MYO16: variants seen among roughly 807,000 people sequenced by gnomAD.
MYO16 encodes myosin XVI.
MYO16 carries 94 observed loss-of-function variants against 205.3 expected under a neutral mutation model. The ratio of observed to expected loss-of-function variants is 0.46; its 90% CI spans 0.39 to 0.54. MYO16 has a LOEUF of 0.54. MYO16 is among the 20% of genes least tolerant of loss of function. MYO16 has a pLI of 0.00. For missense variants in MYO16, 2,315 were observed against 2,387.5 expected (o/e 0.97, Z 0.63); for synonymous variants, 988 against 954.0 (o/e 1.04, Z -0.66).
chr13:108,592,116 G>C (rs377424606), upstream of MYO16, among the ~76,000 whole-genome samples: 1 of 135,196 alleles, frequency 7.4e-6, no homozygotes, highest in Non-Finnish European at 1.6e-5. Context: ...AGGATTTGGG[G>C]TATGTATGGG....
intron 16 of MYO16, among the ~76,000 whole-genome samples, chr13:108,942,468 A>G (rs939722164): frequency 6.6e-6 from 1 of 152,212 alleles, no homozygotes; most frequent in Non-Finnish European, 1.5e-5. Flanking sequence ...GATCAAGTCA[A>G]TTGTTTTTAG....
At chr13:108,932,104 G>A (rs1882282208) in intron 16 of MYO16, among the ~76,000 whole-genome samples, 1 of 152,206 alleles carries the variant, frequency 6.6e-6, no homozygotes, top group African/African-American at 2.4e-5. Context: ...TTTAACTCAT[G>A]CATTGCATTT....
At chr13:109,137,584 A>G (rs1303464663) in intron 31 of MYO16, among the ~76,000 whole-genome samples, 2 of 152,192 alleles carry the variant, frequency 1.3e-5, no homozygotes, top group Non-Finnish European at 2.9e-5. Flanking sequence ...GGTACTTTCT[A>G]TTCTTAAAAG....
At chr13:108,539,581 T>C in the MYO16 span, among the ~76,000 whole-genome samples, 1 of 152,126 alleles carries the variant, frequency 6.6e-6, no homozygotes, top group South Asian at 2.1e-4. Context: ...GGCTAAGAAG[T>C]AATATTACAG....
Position 109,055,930 on chromosome 13 carries a change from ATTAT to A in MYO16, c.3335+338_3335+341del, listed in dbSNP as rs1283542689. 1.1e-5 allele frequency: 2 copies of A among 179,282 alleles called. No homozygotes were observed. Among genetic ancestry groups the A allele is most frequent in the Admixed American group, 1.1e-4 (2 of 17,778 alleles). The allele number at this position is 179,282 out of a possible 1,614,324, so 11.1% of individuals were successfully genotyped here. Reference sequence around the variant, plus strand: ...TTTAAAAGGAGAATGTATGTAAGTGATTATTTCCCCTTTTATATATGAACAAAAT... The same window carrying A: ...TTTAAAAGGAGAATGTATGTAAGTGATTCCCCTTTTATATATGAACAAAAT... On this transcript the variant is annotated intron_variant, in intron 27 of 34. Transcript: ENST00000457511. This position sits in a 1 kb window ranked among gnomAD's most constrained non-coding sequence, Gnocchi z 5.0.
At chr13:108,756,849 G>A (rs752802510) in intron 4 of MYO16, among the ~76,000 whole-genome samples, 11 of 152,096 alleles carry the variant, frequency 7.2e-5, no homozygotes, top group African/African-American at 1.7e-4. Context: ...AAGTTGACAC[G>A]TAATTAACCA....
intron 34 of MYO16, among the ~76,000 whole-genome samples, chr13:109,185,709 A>G (rs891074757): frequency 6.6e-5 from 10 of 152,194 alleles, no homozygotes; most frequent in African/African-American, 2.4e-4. Flanking sequence ...TTTTGGAAAA[A>G]CATGTATCCT....
chr13:108,866,112 G>A (rs1878698889), intron 11 of MYO16, 65 bp from the exon 12 acceptor site: 1 of 1,010,008 alleles, frequency 9.9e-7, no homozygotes, highest in African/African-American at 1.7e-5. Flanking sequence ...TAAATTGTAT[G>A]ATTTTTATTG....
chr13:108,629,541 T>C, upstream of MYO16: 1 of 319,220 alleles, frequency 3.1e-6, no homozygotes, highest in Admixed American at 4.5e-5. Context: ...GAACACCAAT[T>C]AGAGCTGACT....
At chr13:108,536,684 C>T in the MYO16 span, among the ~76,000 whole-genome samples, 124,457 of 152,104 alleles carry the variant, frequency 0.82, 51,265 homozygotes, top group African/African-American at 0.92. Context: ...TGAAGGAATA[C>T]CTGAAACTTT....
intron 1 of MYO16, among the ~76,000 whole-genome samples, chr13:108,645,967 G>C (rs7338053): frequency 0.18 from 27,653 of 152,006 alleles, 3,843 homozygotes; most frequent in African/African-American, 0.38. Context: ...GAGCCAGGTG[G>C]GAAACCCTCT....
chr13:108,864,751 A>C lies in MYO16; in HGVS notation c.1360-1426A>C, dbSNP rs116088744. Among the ~76,000 whole-genome samples the C allele has an allele frequency of 6.9e-3, 1,044 of 152,010 alleles. 18 individuals are homozygous for C. Among genetic ancestry groups the C allele is most frequent in the African/African-American group, 0.024 (982 of 41,440 alleles). On this transcript the variant is annotated intron_variant, in intron 11 of 34. Coordinates refer to ENST00000457511, the MANE Select transcript of MYO16 (RefSeq NM_001198950.3). Reference sequence around the variant, plus strand: ...CACCATGTTACCCAGGCTAATCTTGAACTCCAGGGCTCAAACAATCCTCCT... The same window carrying C: ...CACCATGTTACCCAGGCTAATCTTGCACTCCAGGGCTCAAACAATCCTCCT...
rs1877112991 is a variant in MYO16 at position 109,141,798 on chromosome 13, G to A, written c.5164+422G>A. 6.6e-6 allele frequency among the ~76,000 whole-genome samples: 1 copy of A among 152,160 alleles called. No homozygotes were observed. Among genetic ancestry groups the A allele is most frequent in the South Asian group, 2.1e-4 (1 of 4,828 alleles). On this transcript the variant is annotated intron_variant, in intron 32 of 34. Coordinates refer to ENST00000457511, the MANE Select transcript of MYO16 (RefSeq NM_001198950.3). This position sits in a 1 kb window ranked among gnomAD's most constrained non-coding sequence, Gnocchi z 4.1. Reference sequence around the variant, plus strand: ...TACAGTTCACAGCTAATCCCCGAGCGTGCGGTTTGCCATCCATCTAGCTTT... The same window carrying A: ...TACAGTTCACAGCTAATCCCCGAGCATGCGGTTTGCCATCCATCTAGCTTT...
At chr13:109,204,914 A>C (rs182963798) in intron 34 of MYO16, among the ~76,000 whole-genome samples, 9 of 152,272 alleles carry the variant, frequency 5.9e-5, no homozygotes, top group Admixed American at 5.2e-4. Flanking sequence ...TTCACTAAAT[A>C]ACCTGATTTC....
At chr13:108,521,685 C>A in the MYO16 span, among the ~76,000 whole-genome samples, 1 of 152,136 alleles carries the variant, frequency 6.6e-6, no homozygotes, top group South Asian at 2.1e-4. Flanking sequence ...ACATTTGGGA[C>A]CTTAAGTAGC....
intron 34 of MYO16, among the ~76,000 whole-genome samples, chr13:109,200,947 A>G (rs1880368461): frequency 6.6e-6 from 1 of 152,118 alleles, no homozygotes; most frequent in South Asian, 2.1e-4. Context: ...ACAGAGTTGT[A>G]TGGTCTATCA....
chr13:108,791,414 C>T (rs1886611719), intron 5 of MYO16, among the ~76,000 whole-genome samples: 1 of 152,180 alleles, frequency 6.6e-6, no homozygotes, highest in Non-Finnish European at 1.5e-5. Flanking sequence ...GCTGACTAAT[C>T]ACAGATCACT....
intron 2 of MYO16, among the ~76,000 whole-genome samples, chr13:108,702,552 A>G (rs4635193): frequency 3.3e-5 from 5 of 152,156 alleles, no homozygotes; most frequent in Non-Finnish European, 7.3e-5. Flanking sequence ...GCAAAGGGAA[A>G]CTTTCAGGCT....
intron 34 of MYO16, among the ~76,000 whole-genome samples, chr13:109,185,982 T>G (rs9521198): frequency 0.18 from 27,990 of 152,160 alleles, 2,819 homozygotes; most frequent in Non-Finnish European, 0.22. Flanking sequence ...CATCTCCCAC[T>G]TGTTATTTTA....
Sources: allele counts gnomAD v4.1 joint callset (sites outside exome capture counted in the v4.1 genomes callset), GRCh38; gene constraint gnomAD v4.1.1; non-coding constraint Gnocchi (gnomAD v3.1); transcripts MANE v1.5; gene names NCBI Gene and HGNC (gene_info 2026-07-23, HGNC 2026-07-21).